The following CA5A variants were observed in gnomAD, a reference collection of about 807,000 sequenced individuals.
CA5A encodes carbonic anhydrase 5A, mitochondrial.
Under a neutral mutation model 37.1 loss-of-function variants are expected in CA5A, and 28 were observed. The ratio of observed to expected loss-of-function variants is 0.75; its 90% CI spans 0.56 to 1.03. The LOEUF (loss-of-function observed/expected upper bound fraction) is 1.03, where lower values mean the gene tolerates loss of function less well. CA5A is among the 50% of genes least tolerant of loss of function. CA5A has a pLI of 0.00. For synonymous variants in CA5A, 171 were observed against 158.4 expected (o/e 1.08, Z -0.60); for missense variants, 444 against 399.9 (o/e 1.11, Z -0.94).
intron 1 of CA5A, among the ~76,000 whole-genome samples, chr16:87,932,190 C>A (rs2056416201): frequency 6.6e-6 from 1 of 151,922 alleles, no homozygotes; most frequent in Non-Finnish European, 1.5e-5. Context: ...GTGCACTCTA[C>A]CCCCCCTCCC....
At chr16:87,906,188 C>T (rs986225891) in intron 2 of CA5A, among the ~76,000 whole-genome samples, 3 of 151,922 alleles carry the variant, frequency 2.0e-5, no homozygotes, top group Non-Finnish European at 4.4e-5. Flanking sequence ...GCACTGATCC[C>T]GAATTCAGGG....
intron 2 of CA5A, among the ~76,000 whole-genome samples, chr16:87,906,519 C>T (rs1007489570): frequency 1.3e-5 from 2 of 151,918 alleles, no homozygotes; most frequent in Admixed American, 6.6e-5. Flanking sequence ...CCCAGCTACT[C>T]GGGAGGCTGA....
intron 1 of CA5A, among the ~76,000 whole-genome samples, chr16:87,930,673 A>T (rs2056389819): frequency 6.7e-6 from 1 of 150,056 alleles, no homozygotes; most frequent in Admixed American, 6.6e-5. Flanking sequence ...TGGTTCTGAG[A>T]GGGGCTGCTG....
chr16:87,934,508 C>A (rs557371543), intron 1 of CA5A, among the ~76,000 whole-genome samples: 101 of 152,196 alleles, frequency 6.6e-4, no homozygotes, highest in African/African-American at 2.4e-3. Context: ...GTGGGGGTTG[C>A]GGTGAGCTGG....
chr16:87,923,081 T>C (rs1378342495), intron 2 of CA5A, among the ~76,000 whole-genome samples: 1 of 152,252 alleles, frequency 6.6e-6, no homozygotes, highest in Non-Finnish European at 1.5e-5. Context: ...TCACTCACCC[T>C]TGGCAGTCGC....
chr16:87,905,938 G>A (rs1160726377), intron 2 of CA5A, among the ~76,000 whole-genome samples: 5 of 152,192 alleles, frequency 3.3e-5, no homozygotes, highest in African/African-American at 9.7e-5. Context: ...CTCTGGCTCT[G>A]GCCCCCAGAG....
chr16:87,934,395 C>A (rs1021120664), intron 1 of CA5A, among the ~76,000 whole-genome samples: 1 of 152,038 alleles, frequency 6.6e-6, no homozygotes, highest in African/African-American at 2.4e-5. Context: ...ATGGAGAATC[C>A]CTGTATCTAC....
chr16:87,894,689 A>G lies in CA5A; in HGVS notation c.619-2735T>C, dbSNP rs557248859. Among the ~76,000 whole-genome samples, 4 of 151,978 alleles carry G rather than the reference A, an allele frequency of 2.6e-5. No individual in the cohort carries two copies. In the East Asian group the frequency reaches 7.8e-4, roughly 30 times the overall value. ...AAGTCAGGAGTTCAAGACCAGCCTG[A>G]CCAACATGGCGAAACCCCATCTCTA... On this transcript the variant is annotated intron_variant, in intron 5 of 6. Transcript: ENST00000649794.
chr16:87,922,535 A>T (rs746900884), intron 2 of CA5A, among the ~76,000 whole-genome samples: 6 of 152,194 alleles, frequency 3.9e-5, no homozygotes, highest in Non-Finnish European at 7.3e-5. Flanking sequence ...CACTGCAGGG[A>T]TGTCCCTGCT....
chr16:87,914,015 G>A (rs919082879), intron 2 of CA5A, among the ~76,000 whole-genome samples: 4 of 152,240 alleles, frequency 2.6e-5, no homozygotes, highest in Admixed American at 1.3e-4. Context: ...TTTCCCCGAT[G>A]ACCTTTTCCC....
intron 2 of CA5A, among the ~76,000 whole-genome samples, chr16:87,909,228 C>T (rs2056011690): frequency 6.6e-6 from 1 of 152,176 alleles, no homozygotes. Flanking sequence ...TCCAATCTGC[C>T]TCCTGAGGGG....
chr16:87,932,109 C>T (rs776158685), intron 1 of CA5A, among the ~76,000 whole-genome samples: 132 of 151,830 alleles, frequency 8.7e-4, no homozygotes, highest in Non-Finnish European at 1.5e-3. Context: ...AGGCAGACTC[C>T]GTCTAAGAAA....
At chr16:87,921,759 G>A (rs1366101339) in intron 2 of CA5A, among the ~76,000 whole-genome samples, 2 of 152,234 alleles carry the variant, frequency 1.3e-5, no homozygotes, top group East Asian at 3.8e-4. Context: ...GGGATCAGCG[G>A]CACCTGGGAG....
intron 2 of CA5A, among the ~76,000 whole-genome samples, chr16:87,925,142 C>G (rs922937474): frequency 1.3e-5 from 2 of 152,202 alleles, no homozygotes; most frequent in Non-Finnish European, 2.9e-5. Context: ...CGGGAGGAGG[C>G]AGATGGGATG....
chr16:87,934,182 C>T (rs545419041), intron 1 of CA5A, among the ~76,000 whole-genome samples: 9 of 152,386 alleles, frequency 5.9e-5, no homozygotes, highest in Non-Finnish European at 7.3e-5. Context: ...GGCCCCACCT[C>T]GGACCCTTCT....
chr16:87,893,158 A>G, intron 5 of CA5A: 1 of 419,184 alleles, frequency 2.4e-6, no homozygotes, highest in Admixed American at 4.3e-5. Flanking sequence ...TTTTTTTTTC[A>G]GACAGAGTCT....
intron 6 of CA5A, among the ~76,000 whole-genome samples, chr16:87,889,993 G>A (rs1424630566): frequency 3.9e-5 from 6 of 152,182 alleles, no homozygotes; most frequent in Non-Finnish European, 8.8e-5. Context: ...CTCCTGGGCC[G>A]TGACCACGGT....
At chr16:87,898,743 T>G (rs1414396490) in intron 5 of CA5A, among the ~76,000 whole-genome samples, 1 of 150,550 alleles carries the variant, frequency 6.6e-6, no homozygotes, top group Non-Finnish European at 1.5e-5. Context: ...TTTTTTTTTT[T>G]TTTTTTTTGG....
chr16:87,899,040 T>C (rs1260257280), intron 5 of CA5A, among the ~76,000 whole-genome samples: 2 of 152,006 alleles, frequency 1.3e-5, no homozygotes, highest in African/African-American at 2.4e-5. Flanking sequence ...TGGGCTACTG[T>C]GGATGTTTAA....
Sources: allele counts gnomAD v4.1 joint callset (sites outside exome capture counted in the v4.1 genomes callset), GRCh38; gene constraint gnomAD v4.1.1; transcripts MANE v1.5; gene names NCBI Gene and HGNC (gene_info 2026-07-23, HGNC 2026-07-21).